EYA1: variants seen among roughly 807,000 people sequenced by gnomAD.
EYA1 encodes protein phosphatase EYA1.
EYA1 carries 16 observed loss-of-function variants against 82.0 expected under a neutral mutation model. The observed-to-expected ratio is 0.20, with a 90% confidence interval of 0.13 to 0.30. The LOEUF is 0.30. Among genes scored for constraint, EYA1 ranks in the 10% least tolerant of loss-of-function variants. EYA1 has a pLI of 1.00. For synonymous variants in EYA1, 261 were observed against 264.4 expected, an observed-to-expected ratio of 0.99 and a Z score of 0.12; for missense variants, 633 against 730.7, an observed-to-expected ratio of 0.87 and a Z score of 1.54.
intron 2 of EYA1, among the ~76,000 whole-genome samples, chr8:71,436,151 A>G (rs901454364): frequency 2.6e-5 from 4 of 152,138 alleles, no homozygotes; most frequent in African/African-American, 9.6e-5. Context: ...GAACCTAAGC[A>G]TCTTAAATGA....
chr8:71,376,271 G>C (rs1828365142), intron 2 of EYA1, among the ~76,000 whole-genome samples: 1 of 152,178 alleles, frequency 6.6e-6, no homozygotes. Flanking sequence ...AAGTAGGAGG[G>C]AAGAAAGAAA....
intron 2 of EYA1, among the ~76,000 whole-genome samples, chr8:71,439,947 T>C (rs930885039): frequency 2.6e-5 from 4 of 152,162 alleles, no homozygotes; most frequent in African/African-American, 4.8e-5. Context: ...AAATGCTCAA[T>C]AGGTGTTAGC....
intron 1 of EYA1, among the ~76,000 whole-genome samples, chr8:71,356,998 C>T (rs892068428): frequency 1.3e-5 from 2 of 152,208 alleles, no homozygotes; most frequent in Non-Finnish European, 2.9e-5. Flanking sequence ...CTGACAGTTT[C>T]TTATCCTTAT....
intron 12 of EYA1, among the ~76,000 whole-genome samples, chr8:71,228,417 G>A (rs1376899505): frequency 1.3e-5 from 2 of 151,734 alleles, no homozygotes; most frequent in East Asian, 3.9e-4. Flanking sequence ...ATCATTGGGT[G>A]TTAAAAGGGG....
intron 11 of EYA1, among the ~76,000 whole-genome samples, chr8:71,248,327 G>C (rs1563690553): frequency 6.6e-6 from 1 of 152,220 alleles, no homozygotes. Flanking sequence ...GTTGAGAGCA[G>C]TATTTTTCAG....
chr8:71,202,579 T>C (rs1263489084), intron 17 of EYA1, among the ~76,000 whole-genome samples: 1 of 152,164 alleles, frequency 6.6e-6, no homozygotes, highest in East Asian at 1.9e-4. Flanking sequence ...TGTAGTATAT[T>C]ACAGACAACT....
intron 2 of EYA1, among the ~76,000 whole-genome samples, chr8:71,447,542 A>G (rs1806989515): frequency 6.6e-6 from 1 of 152,272 alleles, no homozygotes; most frequent in South Asian, 2.1e-4. Context: ...TAAAATTTCT[A>G]TCTAATTATA....
At chr8:71,537,824 G>A (rs1206253033) in intron 1 of EYA1, among the ~76,000 whole-genome samples, 1 of 152,074 alleles carries the variant, frequency 6.6e-6, no homozygotes, top group Non-Finnish European at 1.5e-5. Flanking sequence ...ATTAAGAATG[G>A]TCAAGTTACA....
intron 12 of EYA1, among the ~76,000 whole-genome samples, chr8:71,235,022 A>C (rs1224008599): frequency 2.0e-5 from 3 of 152,042 alleles, no homozygotes; most frequent in African/African-American, 7.2e-5. Context: ...CCTACGTCTG[A>C]TCCATTAGCA....
intron 2 of EYA1, among the ~76,000 whole-genome samples, chr8:71,484,232 T>A (rs1394415270): frequency 6.6e-6 from 1 of 152,172 alleles, no homozygotes; most frequent in East Asian, 1.9e-4. Flanking sequence ...AAGACCTTAT[T>A]TTAGAATAAG....
chr8:71,515,832 T>C (rs551094239), intron 2 of EYA1, among the ~76,000 whole-genome samples: 4 of 152,312 alleles, frequency 2.6e-5, no homozygotes, highest in African/African-American at 9.6e-5. Context: ...AAACTTTCTT[T>C]TGAAATTCTT....
intron 12 of EYA1, among the ~76,000 whole-genome samples, chr8:71,221,947 C>T (rs1279773248): frequency 1.3e-5 from 2 of 152,134 alleles, no homozygotes; most frequent in Admixed American, 6.5e-5. Context: ...ATGCACATGC[C>T]GGCAGCCCAC....
intron 9 of EYA1, among the ~76,000 whole-genome samples, chr8:71,282,741 C>T (rs1586167900): frequency 6.6e-6 from 1 of 152,126 alleles, no homozygotes; most frequent in Non-Finnish European, 1.5e-5. Context: ...TCCTACAGTC[C>T]TGGTTAACTC....
At chr8:71,363,145 G>T (rs1336344543), upstream of EYA1, among the ~76,000 whole-genome samples, 2 of 149,132 alleles carry the variant, frequency 1.3e-5, no homozygotes, top group East Asian at 3.9e-4. Context: ...TTTATTTAAG[G>T]AAAAAAAAAG....
intron 2 of EYA1, among the ~76,000 whole-genome samples, chr8:71,410,641 A>G (rs1443800444): frequency 8.5e-6 from 1 of 117,482 alleles, no homozygotes; most frequent in Admixed American, 9.4e-5. Context: ...TGCTTCAAAG[A>G]GAATAAAATA....
intron 11 of EYA1, among the ~76,000 whole-genome samples, chr8:71,262,643 C>T (rs1025934754): frequency 2.0e-5 from 3 of 152,118 alleles, no homozygotes; most frequent in African/African-American, 7.2e-5. Flanking sequence ...CACTGCATTC[C>T]CTTTTATATT....
chr8:71,219,042 T>C (rs1265233596), intron 12 of EYA1, among the ~76,000 whole-genome samples: 4 of 152,216 alleles, frequency 2.6e-5, no homozygotes, highest in Non-Finnish European at 5.9e-5. Context: ...AAGATGCTTT[T>C]CTGAAGCGAA....
At chr8:71,505,234 C>G (rs2129242350) in intron 2 of EYA1, among the ~76,000 whole-genome samples, 1 of 152,260 alleles carries the variant, frequency 6.6e-6, no homozygotes, top group East Asian at 1.9e-4. Flanking sequence ...GGTTCTCAAT[C>G]CTGGCAGCAC....
chr8:71,322,341 C>T (rs894380658), intron 4 of EYA1, 73 bp from the exon 5 acceptor site: 14 of 1,317,528 alleles, frequency 1.1e-5, no homozygotes, highest in African/African-American at 4.3e-5. Flanking sequence ...AAAGCACTGA[C>T]ATATTTTCAA....
Sources: allele counts gnomAD v4.1 joint callset (sites outside exome capture counted in the v4.1 genomes callset), GRCh38; gene constraint gnomAD v4.1.1; transcripts MANE v1.5; gene names NCBI Gene and HGNC (gene_info 2026-07-23, HGNC 2026-07-21).